KPNA6: variants seen among roughly 807,000 people sequenced by gnomAD.
KPNA6 encodes the protein karyopherin subunit alpha 6, also known as importin subunit alpha-7.
A neutral mutation model predicts 72.0 loss-of-function variants in KPNA6; 9 were observed. The ratio of observed to expected loss-of-function variants is 0.13; its 90% CI spans 0.08 to 0.22. The LOEUF (loss-of-function observed/expected upper bound fraction) is 0.22, where lower values mean the gene tolerates loss of function less well. KPNA6 is among the 10% of genes least tolerant of loss of function. KPNA6 has a pLI of 1.00. For missense variants in KPNA6, 374 were observed against 655.7 expected, an observed-to-expected ratio of 0.57 and a Z score of 4.69; for synonymous variants, 219 against 242.1, an observed-to-expected ratio of 0.90 and a Z score of 0.89.
At chr1:32,169,236 T>G (rs1384795222) in intron 12 of KPNA6, among the ~76,000 whole-genome samples, 1 of 151,532 alleles carries the variant, frequency 6.6e-6, no homozygotes, top group Non-Finnish European at 1.5e-5. Context: ...CTGAGAATGG[T>G]GGCACACACC....
At position 32,159,669 on chromosome 1, in the gene KPNA6, C is replaced by A. The variant is rs115804375; in HGVS notation, c.558+138C>A. 7,025 of 912,522 alleles carry A rather than the reference C, an allele frequency of 7.7e-3. 43 individuals carry two copies. Among genetic ancestry groups the A allele is most frequent in the Non-Finnish European group, 9.1e-3 (5,658 of 618,942 alleles). 56.5% of individuals were successfully genotyped at this position (912,522 alleles called of 1,614,324 possible). A position where few individuals can be genotyped will look rare whatever the true frequency, so the allele number is the denominator to read the frequency against. On this transcript the variant is annotated intron_variant, in intron 6 of 13. Transcript: ENST00000373625. ...TGATAGGGGTGTCAAGTACAGATGG[C>A]CCCTGGGACTTGCAACTGGTATCTC... is the stretch of plus-strand genomic sequence containing the variant.
intron 2 of KPNA6, among the ~76,000 whole-genome samples, chr1:32,155,937 T>TTTTTCAA (rs1642134026): frequency 7.0e-6 from 1 of 143,850 alleles, no homozygotes; most frequent in Non-Finnish European, 1.5e-5. Context: ...TTTTTTTTTT[T>TTTTTCAA]GTACAGACAG....
intron 1 of KPNA6, among the ~76,000 whole-genome samples, chr1:32,118,849 G>T (rs916944193): frequency 6.6e-6 from 1 of 151,282 alleles, no homozygotes; most frequent in Non-Finnish European, 1.5e-5. Context: ...GGAATTAAAT[G>T]AGGTAATGCC....
At position 32,148,804 on chromosome 1, in the gene KPNA6, G is replaced by A. The variant is rs537431389; in HGVS notation, c.5-5784G>A. Among the ~76,000 whole-genome samples, 8 of 151,946 alleles carry A rather than the reference G, an allele frequency of 5.3e-5. No homozygotes were observed. In the East Asian group the frequency reaches 5.8e-4, roughly 11 times the overall value. Reference sequence around the variant, plus strand: ...AAACATCTGACCTTGTGATCCACCCGCCTCAGCCTCCCAAAGTGCTGGGAT... The same window carrying A: ...AAACATCTGACCTTGTGATCCACCCACCTCAGCCTCCCAAAGTGCTGGGAT... On this transcript the variant is annotated intron_variant, in intron 1 of 13. Coordinates refer to ENST00000373625, the MANE Select transcript of KPNA6 (RefSeq NM_012316.5).
At chr1:32,165,278 G>A (rs902489181) in intron 10 of KPNA6, among the ~76,000 whole-genome samples, 1 of 151,970 alleles carries the variant, frequency 6.6e-6, no homozygotes, top group African/African-American at 2.4e-5. Flanking sequence ...TTGAACTCCT[G>A]TGCTGAGGTG....
intron 1 of KPNA6, among the ~76,000 whole-genome samples, chr1:32,148,077 C>T (rs1641962166): frequency 6.6e-6 from 1 of 152,102 alleles, no homozygotes; most frequent in Non-Finnish European, 1.5e-5. Flanking sequence ...TGGCTTTCAT[C>T]AGTTTGATTA....
At chr1:32,164,153 C>T (rs1642290205) in intron 10 of KPNA6, among the ~76,000 whole-genome samples, 2 of 152,176 alleles carry the variant, frequency 1.3e-5, no homozygotes, top group Non-Finnish European at 2.9e-5. Context: ...TGGAATCATA[C>T]AGTGTTTATT....
At chr1:32,136,528 A>C (rs114608116) in intron 1 of KPNA6, among the ~76,000 whole-genome samples, 2,043 of 152,266 alleles carry the variant, frequency 0.013, 17 homozygotes, top group Non-Finnish European at 0.023. Context: ...TAAGTTAGTC[A>C]TATGTAGGTC....
chr1:32,118,531 A>G (rs1641366467), intron 1 of KPNA6, among the ~76,000 whole-genome samples: 1 of 151,994 alleles, frequency 6.6e-6, no homozygotes, highest in Non-Finnish European at 1.5e-5. Flanking sequence ...GCGGTAGCTC[A>G]CACTTGTATT....
chr1:32,155,710 ATTTATTT>A (rs1642128719), intron 2 of KPNA6, among the ~76,000 whole-genome samples: 1 of 118,626 alleles, frequency 8.4e-6, no homozygotes, highest in African/African-American at 3.3e-5. Context: ...ATTATTATTT[ATTTATTT>A]ATTTATTTAT....
chr1:32,156,589 A>G (rs1642148017), intron 2 of KPNA6, among the ~76,000 whole-genome samples: 1 of 152,224 alleles, frequency 6.6e-6, no homozygotes. Flanking sequence ...AAACTTCAAC[A>G]CTACTCAGAA....
chr1:32,160,604 C>A lies in KPNA6; in HGVS notation c.559-11C>A, dbSNP rs950139744. The stretch of plus-strand genomic sequence containing the variant: ...GCTTTGTGGGTGACAGTTTCATTAT[C>A]CCCTTTTCAGGCAGTCTGGGCACTG... On this transcript the variant is annotated splice_polypyrimidine_tract_variant and intron_variant, in intron 6 of 13. Coordinates refer to ENST00000373625, the MANE Select transcript of KPNA6 (RefSeq NM_012316.5). 1 of 1,610,672 alleles carries A rather than the reference C, an allele frequency of 6.2e-7. No individual in the cohort carries two copies. Among genetic ancestry groups the A allele is most frequent in the Non-Finnish European group, 8.5e-7 (1 of 1,176,920 alleles).
At chr1:32,149,028 C>A (rs187843834) in intron 1 of KPNA6, among the ~76,000 whole-genome samples, 1 of 152,058 alleles carries the variant, frequency 6.6e-6, no homozygotes, top group Non-Finnish European at 1.5e-5. Flanking sequence ...TGGGTCCACT[C>A]GATTCTGTTC....
intron 2 of KPNA6, among the ~76,000 whole-genome samples, 194 bp downstream of exon 2, chr1:32,154,915 C>G (rs1169353225): frequency 6.6e-6 from 1 of 151,952 alleles, no homozygotes; most frequent in Non-Finnish European, 1.5e-5. Flanking sequence ...CAAGACCAGC[C>G]TGGCCAACAT....
At chr1:32,117,464 G>A (rs1191753069) in intron 1 of KPNA6, among the ~76,000 whole-genome samples, 4 of 150,602 alleles carry the variant, frequency 2.7e-5, no homozygotes, top group Admixed American at 6.6e-5. Flanking sequence ...GAGCCACTGC[G>A]CCCGGCCCAA....
intron 10 of KPNA6, among the ~76,000 whole-genome samples, chr1:32,164,688 A>AT (rs1188325674): frequency 0.041 from 4,875 of 118,426 alleles, 111 homozygotes; most frequent in Non-Finnish European, 0.055. Context: ...CCATCTGTGT[A>AT]TTTTTTTTTT....
Position 32,162,041 on chromosome 1 carries a change from G to T in KPNA6, c.742G>T (p.Ala248Ser). 1.9e-6 allele frequency: 3 copies of T among 1,613,340 alleles called. No homozygotes were observed. Among genetic ancestry groups the T allele is most frequent in the Non-Finnish European group, 2.5e-6 (3 of 1,179,430 alleles). The change falls in exon 8 of 14, where the codon GCA becomes TCA. Residue 248 changes from alanine (A) to serine (S), a missense_variant. Ala to Ser is a moderately conservative substitution (Grantham distance 99, BLOSUM62 1). Around this residue, in one of 3 missense-constraint regions of KPNA6, gnomAD observed 298 missense variants for 495.4 expected, o/e 0.60. Coordinates refer to ENST00000373625, the MANE Select transcript of KPNA6 (RefSeq NM_012316.5). Reference sequence around the variant, plus strand: ...AGGGAAAAACCCACCCCCAGAGTTTGCAAAGGTGAGAGAGCTACTTACTAG... The same window carrying T: ...AGGGAAAAACCCACCCCCAGAGTTTTCAAAGGTGAGAGAGCTACTTACTAG... Reference protein sequence around the residue: ...CRGKNPPPEFAKVSPCLPVLS... With the variant: ...CRGKNPPPEFSKVSPCLPVLS...
Position 32,172,873 on chromosome 1 carries a change from A to C in KPNA6, c.*1979A>C, listed in dbSNP as rs1274909012. The C allele has an allele frequency of 2.6e-6, 1 of 389,378 alleles. No homozygotes were observed. The highest frequency in any genetic ancestry group is 1.4e-4 in the South Asian group (1 of 6,950). The allele number at this position is 389,378 out of a possible 1,614,324, so 24.1% of individuals were successfully genotyped here. On this transcript the variant is annotated 3_prime_UTR_variant, in exon 14 of 14. Coordinates refer to ENST00000373625, the MANE Select transcript of KPNA6 (RefSeq NM_012316.5). ...CACATCTCCTTCTGGCTCAGGTGAA[A>C]TCCATGCCCTTCTGCTTATAGACCT...
intron 1 of KPNA6, among the ~76,000 whole-genome samples, chr1:32,123,820 G>A (rs1438105779): frequency 2.0e-5 from 3 of 151,058 alleles, no homozygotes; most frequent in East Asian, 3.9e-4. Flanking sequence ...TGGATCATGC[G>A]GTCAAGAGAT....
Sources: allele counts gnomAD v4.1 joint callset (sites outside exome capture counted in the v4.1 genomes callset), GRCh38; gene constraint gnomAD v4.1.1; regional missense constraint gnomAD v4.1.1; transcripts MANE v1.5; gene names NCBI Gene and HGNC (gene_info 2026-07-23, HGNC 2026-07-21).